Variants in IGF2BP3 observed in about 807,000 individuals in gnomAD.
IGF2BP3 encodes insulin like growth factor 2 mRNA binding protein 3.
Under a neutral mutation model 73.8 loss-of-function variants are expected in IGF2BP3, and 9 were observed. The observed-to-expected ratio is 0.12, with a 90% CI of 0.07 to 0.21. The LOEUF is 0.21. Among genes scored for constraint, IGF2BP3 ranks in the 10% least tolerant of loss-of-function variants. The probability of loss-of-function intolerance (pLI) is 1.00; values close to 1 mark genes in which losing one functional copy is unlikely to be tolerated. For missense variants in IGF2BP3, 542 were observed against 714.0 expected, an observed-to-expected ratio of 0.76 and a Z score of 2.75; for synonymous variants, 258 against 256.7, an observed-to-expected ratio of 1.01 and a Z score of -0.05.
chr7:23,400,755 GTA>G (rs1261166998), intron 3 of IGF2BP3, among the ~76,000 whole-genome samples: 1 of 152,220 alleles, frequency 6.6e-6, no homozygotes, highest in African/African-American at 2.4e-5. Flanking sequence ...TAATGACTGT[GTA>G]TAAAATGAGT....
At chr7:23,340,953 G>T (rs932472027) in intron 10 of IGF2BP3, among the ~76,000 whole-genome samples, 1 of 150,560 alleles carries the variant, frequency 6.6e-6, no homozygotes, top group Non-Finnish European at 1.5e-5. Flanking sequence ...GGGTTCAAGC[G>T]ATTCTCCTGC....
intron 3 of IGF2BP3, among the ~76,000 whole-genome samples, chr7:23,411,765 TC>T (rs1371162273): frequency 6.6e-6 from 1 of 152,088 alleles, no homozygotes; most frequent in Non-Finnish European, 1.5e-5. Flanking sequence ...CACTCCGTGG[TC>T]CCTGCCTACT....
chr7:23,343,732 T>C lies in IGF2BP3; in HGVS notation c.1063A>G (p.Ile355Val), dbSNP rs752940566. 25 of 1,611,452 alleles carry C rather than the reference T, an allele frequency of 1.6e-5. No homozygotes were observed. Among genetic ancestry groups the C allele is most frequent in the East Asian group, 2.2e-5 (1 of 44,870 alleles). Residue 355 changes from isoleucine (I) to valine (V), a missense_variant, in exon 9 of 15, where the codon ATT becomes GTT. Physicochemically the swap from Ile to Val is conservative, Grantham distance 29. This residue lies in a region of IGF2BP3 where 303 missense variants were observed against 472.1 expected (regional missense o/e 0.64). Transcript: ENST00000258729. Reference sequence around the variant, plus strand: ...ACAAAACTAACATTCATAGAAGCAATATCATTTTCATAAGACTCCCTGATT... The same window carrying C: ...ACAAAACTAACATTCATAGAAGCAACATCATTTTCATAAGACTCCCTGATT... ...KKIRESYENDIASMNLQAHLI... is the reference protein window; with the variant it reads ...KKIRESYENDVASMNLQAHLI...
intron 11 of IGF2BP3, among the ~76,000 whole-genome samples, chr7:23,318,272 GAGTGC>G (rs1180323804): frequency 6.6e-6 from 1 of 152,168 alleles, no homozygotes; most frequent in African/African-American, 2.4e-5. Context: ...GCCTAGGCTG[GAGTGC>G]AGTGGTGTGA....
At chr7:23,322,547 T>A (rs1323773078) in intron 10 of IGF2BP3, among the ~76,000 whole-genome samples, 1 of 152,002 alleles carries the variant, frequency 6.6e-6, no homozygotes, top group Non-Finnish European at 1.5e-5. Context: ...CAGGCCAACA[T>A]TCAGATTCAG....
At chr7:23,385,429 A>G (rs1390268584) in intron 3 of IGF2BP3, among the ~76,000 whole-genome samples, 1 of 152,224 alleles carries the variant, frequency 6.6e-6, no homozygotes, top group Non-Finnish European at 1.5e-5. Context: ...AGAAATTCAA[A>G]TTAGTATGAG....
At chr7:23,443,102 ATTTTTT>A (rs34674050) in intron 2 of IGF2BP3, among the ~76,000 whole-genome samples, 14 of 85,812 alleles carry the variant, frequency 1.6e-4, no homozygotes, top group African/African-American at 2.7e-4. Flanking sequence ...CATTACAGTG[ATTTTTT>A]TTTTTTTTTT....
intron 2 of IGF2BP3, among the ~76,000 whole-genome samples, chr7:23,430,061 A>T (rs1042839843): frequency 2.0e-5 from 3 of 151,556 alleles, no homozygotes; most frequent in Non-Finnish European, 4.4e-5. Context: ...ACCAAGTCTA[A>T]CTTGTAACAT....
chr7:23,358,934 T>G (rs1785159794), intron 5 of IGF2BP3, among the ~76,000 whole-genome samples: 1 of 152,240 alleles, frequency 6.6e-6, no homozygotes, highest in Admixed American at 6.5e-5. Context: ...CTCCAAATAT[T>G]CTTATTGGCA....
chr7:23,432,990 G>A (rs538144600), intron 2 of IGF2BP3, among the ~76,000 whole-genome samples: 5 of 152,274 alleles, frequency 3.3e-5, no homozygotes, highest in Admixed American at 6.5e-5. Flanking sequence ...AGAAACACAC[G>A]CAGTTGAACA....
chr7:23,359,007 T>C lies in IGF2BP3; in HGVS notation c.401+2527A>G, dbSNP rs182333130. Among the ~76,000 whole-genome samples, 673 of 152,368 alleles carry C rather than the reference T, an allele frequency of 4.4e-3. 5 individuals carry two copies. The highest frequency in any genetic ancestry group is 0.02 in the Middle Eastern group (6 of 294). On this transcript the variant is annotated intron_variant, in intron 5 of 14. Coordinates refer to ENST00000258729, the MANE Select transcript of IGF2BP3 (RefSeq NM_006547.3). ...TGACTGAATATTAGAACAAAGGACATGAAGACTACTTCCCTAATCAAAATG... is the reference window on the plus strand; with the variant it reads ...TGACTGAATATTAGAACAAAGGACACGAAGACTACTTCCCTAATCAAAATG...
chr7:23,410,793 G>C lies in IGF2BP3; in HGVS notation c.285+7983C>G, dbSNP rs190858212. Among the ~76,000 whole-genome samples the C allele has an allele frequency of 1.5e-4, 23 of 152,246 alleles. 1 individual carries two copies. The highest frequency in any genetic ancestry group is 9.8e-4 in the Admixed American group (15 of 15,286). ...TGTTGAAACCAAATCATAATAACTA[G>C]AAGAAACAGGAACAACCCTTTGGGA... On this transcript the variant is annotated intron_variant, in intron 3 of 14. Coordinates refer to ENST00000258729, the MANE Select transcript of IGF2BP3 (RefSeq NM_006547.3).
chr7:23,313,938 G>A (rs916966357), intron 12 of IGF2BP3, among the ~76,000 whole-genome samples: 4 of 152,178 alleles, frequency 2.6e-5, no homozygotes, highest in African/African-American at 9.7e-5. Flanking sequence ...TAATAAAAAC[G>A]AATTTTTGTG....
At chr7:23,423,662 A>AG (rs900313911) in intron 2 of IGF2BP3, among the ~76,000 whole-genome samples, 12 of 152,036 alleles carry the variant, frequency 7.9e-5, no homozygotes, top group African/African-American at 1.9e-4. Context: ...TATATGGTGG[A>AG]GGGGGGGAAA....
At chr7:23,386,806 A>G (rs570093909) in intron 3 of IGF2BP3, among the ~76,000 whole-genome samples, 1 of 152,190 alleles carries the variant, frequency 6.6e-6, no homozygotes, top group East Asian at 1.9e-4. Context: ...GCTGGCTCAC[A>G]CCCATAATCC....
chr7:23,358,338 T>TACC (rs1785146192), intron 5 of IGF2BP3, among the ~76,000 whole-genome samples: 2 of 152,190 alleles, frequency 1.3e-5, no homozygotes, highest in South Asian at 4.2e-4. Context: ...AACTGAGAAT[T>TACC]ACCAGCATAG....
intron 2 of IGF2BP3, among the ~76,000 whole-genome samples, chr7:23,459,933 T>C (rs1562764693): frequency 6.6e-6 from 1 of 151,132 alleles, no homozygotes; most frequent in South Asian, 2.1e-4. Flanking sequence ...AGAATGAATT[T>C]GTAAGAAAGT....
intron 10 of IGF2BP3, among the ~76,000 whole-genome samples, chr7:23,339,189 AAGATGACCTATTCC>A (rs1784648128): frequency 6.6e-6 from 1 of 152,240 alleles, no homozygotes; most frequent in East Asian, 1.9e-4. Context: ...CAGGAGAAGC[AAGATGACCTATTCC>A]AGTGACATCT....
intron 2 of IGF2BP3, chr7:23,431,273 T>C (rs1158922774): frequency 6.6e-6 from 1 of 152,214 alleles, no homozygotes; most frequent in Non-Finnish European, 1.5e-5. Context: ...AAATAAGCTA[T>C]TGTTTCTAGC....
Sources: gnomAD v4.1 joint callset for allele counts (sites outside exome capture counted in the v4.1 genomes callset) on GRCh38, gnomAD v4.1.1 for gene constraint, gnomAD v4.1.1 regional missense constraint, MANE v1.5 for transcripts, NCBI Gene and HGNC (gene_info 2026-07-23, HGNC 2026-07-21) for gene names.